Variants in NEIL3 observed in about 807,000 individuals in gnomAD.
NEIL3 encodes the protein nei like DNA glycosylase 3.
Under a neutral mutation model 57.5 loss-of-function variants are expected in NEIL3, and 48 were observed. The observed-to-expected ratio is 0.83, with a 90% confidence interval of 0.66 to 1.06. The LOEUF is 1.06. Among genes scored for constraint, NEIL3 ranks in the 50% least tolerant of loss-of-function variants. The pLI, the probability that NEIL3 is intolerant of heterozygous loss-of-function variation, is 0.00. For missense variants in NEIL3, 717 were observed against 739.1 expected, an observed-to-expected ratio of 0.97 and a Z score of 0.35; for synonymous variants, 261 against 253.2, an observed-to-expected ratio of 1.03 and a Z score of -0.29.
At chr4:177,342,829 G>A (rs1222814658) in intron 6 of NEIL3, among the ~76,000 whole-genome samples, 2 of 152,216 alleles carry the variant, frequency 1.3e-5, no homozygotes, top group Non-Finnish European at 2.9e-5. Flanking sequence ...CCCCAACAGA[G>A]GCTCCACGTT....
At chr4:177,342,726 A>G (rs1252902394) in intron 6 of NEIL3, among the ~76,000 whole-genome samples, 1 of 152,218 alleles carries the variant, frequency 6.6e-6, no homozygotes, top group Non-Finnish European at 1.5e-5. Context: ...CGATAAAGCA[A>G]ACAGTATTTA....
At chr4:177,325,269 G>C (rs1372956518) in intron 2 of NEIL3, among the ~76,000 whole-genome samples, 1 of 151,992 alleles carries the variant, frequency 6.6e-6, no homozygotes, top group Admixed American at 6.6e-5. Flanking sequence ...GAGTTTTACA[G>C]CTTCAACATA....
At chr4:177,324,848 G>A (rs1734749599) in intron 2 of NEIL3, among the ~76,000 whole-genome samples, 1 of 152,120 alleles carries the variant, frequency 6.6e-6, no homozygotes, top group African/African-American at 2.4e-5. Context: ...TATAGTGTGT[G>A]CGAATGTTTA....
intron 6 of NEIL3, among the ~76,000 whole-genome samples, chr4:177,349,468 C>G (rs1455372500): frequency 6.6e-6 from 1 of 152,140 alleles, no homozygotes; most frequent in Non-Finnish European, 1.5e-5. Flanking sequence ...TCCTTGCCTT[C>G]TCTTTGGTGT....
chr4:177,351,549 G>A lies in NEIL3; in HGVS notation c.1039G>A (p.Asp347Asn), dbSNP rs759692212. 1.2e-6 allele frequency: 2 copies of A among 1,605,734 alleles called. No individual in the cohort carries two copies. The highest frequency in any genetic ancestry group is 1.7e-5 in the Admixed American group (1 of 58,280). Residue 347 changes from aspartate (D) to asparagine (N), a missense_variant and splice_region_variant, in exon 7 of 10, where the codon GAT becomes AAT. Coordinates refer to ENST00000264596, the MANE Select transcript of NEIL3 (RefSeq NM_018248.3). ...CDACLTSRPIDSVLKSEENST... is the reference protein window; with the variant it reads ...CDACLTSRPINSVLKSEENST... Reference sequence around the variant, plus strand: ...TGCTTGCTTGACCTCAAGGCCTATTGGTAAGACTGAATTTTGATTTTGAGT... The same window carrying A: ...TGCTTGCTTGACCTCAAGGCCTATTAGTAAGACTGAATTTTGATTTTGAGT...
the NEIL3 span, among the ~76,000 whole-genome samples, chr4:177,370,804 G>A: frequency 3.3e-5 from 5 of 152,134 alleles, no homozygotes; most frequent in Non-Finnish European, 5.9e-5. Context: ...GGGAGGCTGA[G>A]GTGGGAGGAT....
rs1193873104 is a variant in NEIL3 at position 177,342,187 on chromosome 4, T to A, written c.869+545T>A. 3.3e-5 allele frequency among the ~76,000 whole-genome samples: 5 copies of A among 152,202 alleles called. No homozygotes were observed. The East Asian group carries it at 9.6e-4, about 29-fold the overall frequency. On this transcript the variant is annotated intron_variant, in intron 6 of 9. Coordinates refer to ENST00000264596, the MANE Select transcript of NEIL3 (RefSeq NM_018248.3). ...AGTATTTGGGCTAAAACTCCATTGATCACCTGACCAGACTGGTGGTGGATC... is the reference window on the plus strand; with the variant it reads ...AGTATTTGGGCTAAAACTCCATTGAACACCTGACCAGACTGGTGGTGGATC...
chr4:177,342,568 T>C (rs1334936273), intron 6 of NEIL3, among the ~76,000 whole-genome samples: 1 of 152,202 alleles, frequency 6.6e-6, no homozygotes, highest in African/African-American at 2.4e-5. Flanking sequence ...GGTTTCTATG[T>C]GCAGGAAGGT....
chr4:177,316,815 CTA>C (rs1734582353), intron 1 of NEIL3, among the ~76,000 whole-genome samples: 1 of 152,104 alleles, frequency 6.6e-6, no homozygotes, highest in South Asian at 2.1e-4. Flanking sequence ...ATAGTAAGTA[CTA>C]TGACAGTGGT....
At chr4:177,310,281 C>T (rs1311423217) in intron 1 of NEIL3, among the ~76,000 whole-genome samples, 172 bp downstream of exon 1, 1 of 152,210 alleles carries the variant, frequency 6.6e-6, no homozygotes, top group Non-Finnish European at 1.5e-5. Context: ...TCGGTCCTAG[C>T]GCGCCTGCGC....
At chr4:177,359,333 C>A (rs1383497647) in intron 8 of NEIL3, among the ~76,000 whole-genome samples, 1 of 152,158 alleles carries the variant, frequency 6.6e-6, no homozygotes, top group Non-Finnish European at 1.5e-5. Flanking sequence ...TGTTTGAGTT[C>A]ATCCCAGCAA....
intron 9 of NEIL3, among the ~76,000 whole-genome samples, chr4:177,361,695 C>G (rs1480955284): frequency 6.6e-6 from 1 of 152,140 alleles, no homozygotes; most frequent in African/African-American, 2.4e-5. Context: ...TAGAATCTGT[C>G]TAATTCAGTC....
At chr4:177,349,269 G>T (rs1735301823) in intron 6 of NEIL3, among the ~76,000 whole-genome samples, 1 of 152,016 alleles carries the variant, frequency 6.6e-6, no homozygotes, top group Non-Finnish European at 1.5e-5. Context: ...CAACAGAAAT[G>T]CATTCACTCA....
At chr4:177,318,962 G>A (rs1012289957) in intron 1 of NEIL3, among the ~76,000 whole-genome samples, 1 of 152,184 alleles carries the variant, frequency 6.6e-6, no homozygotes, top group Non-Finnish European at 1.5e-5. Context: ...CAGGTAAACA[G>A]CCATTTTTAA....
chr4:177,361,437 A>C (rs1014619950), intron 9 of NEIL3, among the ~76,000 whole-genome samples: 1 of 152,200 alleles, frequency 6.6e-6, no homozygotes, highest in Non-Finnish European at 1.5e-5. Flanking sequence ...GACTTTTTGA[A>C]AGATCAAATA....
At chr4:177,355,613 C>T (rs1735455883) in intron 8 of NEIL3, among the ~76,000 whole-genome samples, 1 of 152,132 alleles carries the variant, frequency 6.6e-6, no homozygotes, top group East Asian at 1.9e-4. Context: ...CTAGAGTAAT[C>T]TCAGGTGGAA....
In NEIL3 at chr4:177,310,813, G is replaced by A. The variant is rs1377690307; in HGVS notation, c.156+704G>A. Among the ~76,000 whole-genome samples, 4 of 152,290 alleles carry A rather than the reference G, an allele frequency of 2.6e-5. No individual in the cohort carries two copies. The South Asian group carries it at 8.3e-4, about 32-fold the overall frequency. ...GTTTTAAAAGCCCTCTAGATGTATG[G>A]ATGATTGTATTTCATGCCTACATGC... On this transcript the variant is annotated intron_variant, in intron 1 of 9. Transcript: ENST00000264596.
chr4:177,361,463 A>C (rs766033461), intron 9 of NEIL3, among the ~76,000 whole-genome samples: 1 of 152,220 alleles, frequency 6.6e-6, no homozygotes, highest in Non-Finnish European at 1.5e-5. Flanking sequence ...CTTCAATGTG[A>C]TACCTTCTTA....
chr4:177,356,699 C>A (rs147804789), intron 8 of NEIL3, among the ~76,000 whole-genome samples: 2 of 152,270 alleles, frequency 1.3e-5, no homozygotes, highest in African/African-American at 4.8e-5. Context: ...GTTCTCATTA[C>A]CACACAATCC....
Sources: allele counts gnomAD v4.1 joint callset (sites outside exome capture counted in the v4.1 genomes callset), GRCh38; gene constraint gnomAD v4.1.1; transcripts MANE v1.5; gene names NCBI Gene and HGNC (gene_info 2026-07-23, HGNC 2026-07-21).